The following FNBP1 variants were observed in gnomAD, a reference collection of about 807,000 sequenced individuals.
FNBP1 encodes the protein formin binding protein 1.
Under a neutral mutation model 90.6 loss-of-function variants are expected in FNBP1, and 26 were observed. That is an observed-to-expected ratio of 0.29 (90% CI 0.21 to 0.40). The LOEUF is 0.40. Among genes scored for constraint, FNBP1 ranks in the 10% least tolerant of loss-of-function variants. FNBP1 has a pLI of 1.00. For synonymous variants in FNBP1, 260 were observed against 265.2 expected, an observed-to-expected ratio of 0.98 and a Z score of 0.19; for missense variants, 635 against 768.0, an observed-to-expected ratio of 0.83 and a Z score of 2.05.
In FNBP1 at chr9:129,895,915, C is replaced by T. The variant is rs753782222; in HGVS notation, c.1769G>A (p.Arg590His). 9 of 1,613,510 alleles carry T rather than the reference C, an allele frequency of 5.6e-6. No individual in the cohort carries two copies. The highest frequency in any genetic ancestry group is 5.3e-5 in the African/African-American group (4 of 74,832). Residue 590 changes from arginine (R) to histidine (H), a missense_variant, in exon 16 of 17, where the codon CGC (arginine) becomes CAC (histidine). Arg to His is a conservative substitution (Grantham distance 29). Transcript: ENST00000446176. Reference protein sequence around the residue: ...IEEDKGDGWTRIRRNEDEEGY... With the variant: ...IEEDKGDGWTHIRRNEDEEGY... ...CTCTTCATCTTCATTTCTCCGAATG[C>T]GGGTCCAGCCATCGCCTTTGTCTTC...
intron 11 of FNBP1, among the ~76,000 whole-genome samples, chr9:129,910,481 C>CAAA (rs1377071240): frequency 8.8e-4 from 79 of 89,962 alleles, no homozygotes; most frequent in African/African-American, 3.1e-3. Context: ...GACTCCATCT[C>CAAA]AAAAAAACAA....
intron 6 of FNBP1, among the ~76,000 whole-genome samples, chr9:129,932,358 T>TGG (rs2042899115): frequency 6.6e-6 from 1 of 152,146 alleles, no homozygotes; most frequent in Non-Finnish European, 1.5e-5. Context: ...TTCTTCTTGA[T>TGG]GGGAACATTT....
chr9:129,939,871 G>A (rs1040236009), intron 6 of FNBP1, among the ~76,000 whole-genome samples: 1 of 152,070 alleles, frequency 6.6e-6, no homozygotes, highest in Non-Finnish European at 1.5e-5. Context: ...TAAGAAAAAT[G>A]AGAACCTGAG....
intron 1 of FNBP1, among the ~76,000 whole-genome samples, chr9:130,012,925 C>T (rs1318687131): frequency 6.6e-6 from 1 of 150,736 alleles, no homozygotes; most frequent in Non-Finnish European, 1.5e-5. Context: ...AGGCGTGAGC[C>T]ACCACGCCCA....
chr9:130,036,989 G>A (rs1264442110), intron 1 of FNBP1, among the ~76,000 whole-genome samples: 1 of 149,634 alleles, frequency 6.7e-6, no homozygotes, highest in Non-Finnish European at 1.5e-5. Context: ...AGCTTGCAGT[G>A]AGCCGAAATC....
chr9:129,957,420 C>T lies in FNBP1; in HGVS notation c.453G>A (p.Ala151=), dbSNP rs778385803. 17 of 1,613,662 alleles carry T rather than the reference C, an allele frequency of 1.1e-5. No homozygotes were observed. The African/African-American group carries it at 1.5e-4, about 14-fold the overall frequency. The change falls in exon 6 of 17, where the codon GCG becomes GCA. Residue 151 remains alanine (A), a synonymous_variant. Coordinates refer to ENST00000446176, the MANE Select transcript of FNBP1 (RefSeq NM_015033.3). The surrounding 1 kb of genome is among the most constrained non-coding windows in gnomAD (Gnocchi z 4.3). ...CGTCCATTTTCTCAAAGTACTGCTG[C>T]GCCCTGTCCGCCTCTTTGCAATCGC... ...FERDCKEADR[A]QQYFEKMDAD...
At chr9:129,892,417 A>ACACACACACACAC (rs2035215307) in intron 16 of FNBP1, among the ~76,000 whole-genome samples, 8 of 147,270 alleles carry the variant, frequency 5.4e-5, no homozygotes, top group East Asian at 2.0e-4. Flanking sequence ...ACACACACAC[A>ACACACACACACAC]AAAAGGTTGA....
intron 2 of FNBP1, among the ~76,000 whole-genome samples, chr9:129,993,491 A>AC (rs574937078): frequency 0.011 from 1,701 of 150,408 alleles, 22 homozygotes; most frequent in Middle Eastern, 0.055. Context: ...AAAAAAAAAA[A>AC]AAAACAGAGA....
At chr9:129,942,905 C>CTGGT (rs2044546207) in intron 6 of FNBP1, among the ~76,000 whole-genome samples, 1 of 151,390 alleles carries the variant, frequency 6.6e-6, no homozygotes, top group Non-Finnish European at 1.5e-5. Flanking sequence ...GTTGCCCAGG[C>CTGGT]TGGTCTTGAA....
At chr9:129,904,701 C>T (rs1470253084) in intron 12 of FNBP1, among the ~76,000 whole-genome samples, 1 of 152,124 alleles carries the variant, frequency 6.6e-6, no homozygotes, top group East Asian at 1.9e-4. Context: ...TCCTTCCTTC[C>T]TATCTTCCTT....
upstream of FNBP1, among the ~76,000 whole-genome samples, chr9:130,046,683 G>A (rs1235325443): frequency 1.6e-4 from 24 of 148,584 alleles, 1 homozygote; most frequent in East Asian, 2.0e-4. Context: ...CAAGAGAATC[G>A]CTTGAACCCA....
intron 6 of FNBP1, among the ~76,000 whole-genome samples, chr9:129,952,689 C>T (rs10760649): frequency 0.79 from 120,115 of 152,002 alleles, 47,811 homozygotes; most frequent in East Asian, 0.9. Context: ...GGAAAGGGGG[C>T]CACTTTTTAT....
At chr9:130,013,281 C>T (rs1012278854) in intron 1 of FNBP1, among the ~76,000 whole-genome samples, 2 of 151,964 alleles carry the variant, frequency 1.3e-5, no homozygotes, top group Non-Finnish European at 2.9e-5. Context: ...TGCCTGGCTC[C>T]AACTGTTCTA....
chr9:130,049,420 T>A, the FNBP1 span, among the ~76,000 whole-genome samples: 1 of 151,462 alleles, frequency 6.6e-6, no homozygotes, highest in African/African-American at 2.4e-5. Context: ...ACTTCAAAGG[T>A]TATTGTAAAG....
chr9:130,033,512 G>A (rs1026432403), intron 1 of FNBP1, among the ~76,000 whole-genome samples: 11 of 152,208 alleles, frequency 7.2e-5, no homozygotes, highest in Middle Eastern at 3.4e-3. Flanking sequence ...AAAGTGTTTC[G>A]TTTCTTGTTC....
At chr9:129,923,817 G>A in intron 10 of FNBP1, 27 bp downstream of exon 10, 2 of 1,541,372 alleles carry the variant, frequency 1.3e-6, no homozygotes, top group Non-Finnish European at 1.7e-6. Flanking sequence ...GCACGCCAGA[G>A]AGACAGGATT....
At chr9:129,914,735 TTATG>T (rs2039937213) in intron 11 of FNBP1, among the ~76,000 whole-genome samples, 1 of 110,136 alleles carries the variant, frequency 9.1e-6, no homozygotes, top group Non-Finnish European at 2.0e-5. Context: ...GTTGAAAAAA[TTATG>T]TATATACATA....
chr9:129,983,661 A>G (rs2051666068), intron 2 of FNBP1, among the ~76,000 whole-genome samples: 2 of 152,102 alleles, frequency 1.3e-5, no homozygotes, highest in Non-Finnish European at 2.9e-5. Flanking sequence ...AAATGCAAAA[A>G]TTAGCTGGGA....
At chr9:129,947,058 T>C (rs2045407253) in intron 6 of FNBP1, among the ~76,000 whole-genome samples, 3 of 152,182 alleles carry the variant, frequency 2.0e-5, no homozygotes, top group African/African-American at 7.2e-5. Flanking sequence ...AGACAAACTG[T>C]GATTTTAAAG....
Sources: gnomAD v4.1 joint callset for allele counts (sites outside exome capture counted in the v4.1 genomes callset) on GRCh38, gnomAD v4.1.1 for gene constraint, Gnocchi (gnomAD v3.1) non-coding constraint, MANE v1.5 for transcripts, NCBI Gene and HGNC (gene_info 2026-07-23, HGNC 2026-07-21) for gene names.